The following PHF2 variants were observed in gnomAD, a reference collection of about 807,000 sequenced individuals.
PHF2 encodes lysine-specific demethylase PHF2.
Under a neutral mutation model 120.5 loss-of-function variants are expected in PHF2, and 27 were observed. The observed-to-expected ratio is 0.22, with a 90% CI of 0.17 to 0.31. The LOEUF is 0.31. Ranked by LOEUF, PHF2 falls within the 10% of genes least tolerant of loss-of-function variation. The pLI is 1.00. For missense variants in PHF2, 1,024 were observed against 1,434.8 expected, an observed-to-expected ratio of 0.71 and a Z score of 4.63; for synonymous variants, 568 against 592.5, an observed-to-expected ratio of 0.96 and a Z score of 0.60.
intron 5 of PHF2, among the ~76,000 whole-genome samples, chr9:93,652,840 CCACAG>C (rs1564395532): frequency 6.6e-6 from 1 of 152,180 alleles, no homozygotes; most frequent in African/African-American, 2.4e-5. Flanking sequence ...GCCCAGTGTG[CCACAG>C]CACATGGCAC....
At chr9:93,650,122 CACTT>C (rs1266760056) in intron 5 of PHF2, among the ~76,000 whole-genome samples, 1 of 135,952 alleles carries the variant, frequency 7.4e-6, no homozygotes, top group African/African-American at 2.8e-5. Context: ...CATGGACACA[CACTT>C]AGCACTCACC....
chr9:93,654,601 A>G (rs757760726), intron 7 of PHF2, 26 bp downstream of exon 7: 46 of 1,606,110 alleles, frequency 2.9e-5, no homozygotes, highest in Non-Finnish European at 3.6e-5. Context: ...TTTGGGGACC[A>G]TGTACTAGGG....
At chr9:93,651,563 C>G (rs1000217030) in intron 5 of PHF2, among the ~76,000 whole-genome samples, 1 of 152,168 alleles carries the variant, frequency 6.6e-6, no homozygotes, top group African/African-American at 2.4e-5. Flanking sequence ...CATGGGCTGT[C>G]TGGGGTAGCT....
chr9:93,627,819 T>C (rs1825939666), intron 1 of PHF2, among the ~76,000 whole-genome samples: 1 of 152,118 alleles, frequency 6.6e-6, no homozygotes, highest in Non-Finnish European at 1.5e-5. Context: ...GATGGGGAAT[T>C]GGGGAAGGAT....
At chr9:93,620,010 G>T (rs1587686898) in intron 1 of PHF2, among the ~76,000 whole-genome samples, 1 of 152,164 alleles carries the variant, frequency 6.6e-6, no homozygotes, top group Non-Finnish European at 1.5e-5. Flanking sequence ...CTTAGAAGGC[G>T]TCCCTGGGCT....
intron 1 of PHF2, among the ~76,000 whole-genome samples, chr9:93,577,383 C>T (rs953023275): frequency 2.8e-4 from 43 of 151,988 alleles, no homozygotes; most frequent in Non-Finnish European, 4.4e-4. Flanking sequence ...GGCTCCGACT[C>T]CGGCAGGGCT....
At chr9:93,602,180 C>CGTTGAGTATGTAAATTG (rs1825452502) in intron 1 of PHF2, among the ~76,000 whole-genome samples, 1 of 150,386 alleles carries the variant, frequency 6.6e-6, no homozygotes, top group Admixed American at 6.7e-5. Context: ...TATGTAAATT[C>CGTTGAGTATGTAAATTG]TTCGTTGAGT....
intron 10 of PHF2, among the ~76,000 whole-genome samples, chr9:93,659,243 C>T (rs10992834): frequency 0.02 from 3,042 of 152,338 alleles, 66 homozygotes; most frequent in East Asian, 0.1. Context: ...GGCCTCTGAC[C>T]AGGAAGAAGG....
intron 1 of PHF2, among the ~76,000 whole-genome samples, chr9:93,585,576 G>A (rs1273597807): frequency 6.6e-6 from 1 of 152,220 alleles, no homozygotes; most frequent in Admixed American, 6.5e-5. Flanking sequence ...CCATGGGTAG[G>A]GCGCAAGGCC....
intron 1 of PHF2, among the ~76,000 whole-genome samples, chr9:93,602,970 G>A (rs1450322212): frequency 1.3e-5 from 2 of 152,096 alleles, no homozygotes; most frequent in Non-Finnish European, 2.9e-5. Context: ...GCAGGGCAGA[G>A]GTGAATGCTG....
At position 93,650,361 on chromosome 9, in the gene PHF2, C is replaced by T. The variant is rs574893389; in HGVS notation, c.602+1149C>T. 3.3e-5 allele frequency among the ~76,000 whole-genome samples: 5 copies of T among 152,308 alleles called. No individual in the cohort carries two copies. The East Asian group carries it at 9.6e-4, about 29-fold the overall frequency. ...CCTGACACACTGAGATACTAACTCACTGGCACACTCATACTCCTAACACCC... is the reference window on the plus strand; with the variant it reads ...CCTGACACACTGAGATACTAACTCATTGGCACACTCATACTCCTAACACCC... On this transcript the variant is annotated intron_variant, in intron 5 of 21. Transcript: ENST00000359246.
At chr9:93,589,189 C>T (rs976132134) in intron 1 of PHF2, among the ~76,000 whole-genome samples, 1 of 152,150 alleles carries the variant, frequency 6.6e-6, no homozygotes, top group East Asian at 1.9e-4. Context: ...GGGAAGGAAC[C>T]AAGTGCTCAC....
chr9:93,619,039 ACC>A (rs369914746), intron 1 of PHF2, among the ~76,000 whole-genome samples: 37 of 149,482 alleles, frequency 2.5e-4, no homozygotes, highest in African/African-American at 8.9e-4. Flanking sequence ...GTCCTTGCCC[ACC>A]ATGTGGTACA....
chr9:93,579,837 A>C (rs1009979931), intron 1 of PHF2, among the ~76,000 whole-genome samples: 2 of 152,228 alleles, frequency 1.3e-5, no homozygotes, highest in South Asian at 4.1e-4. Context: ...GCAGCCGAGA[A>C]CTTGTTTGGG....
chr9:93,663,701 C>A, intron 14 of PHF2, 66 bp downstream of exon 14: 1 of 849,022 alleles, frequency 1.2e-6, no homozygotes, highest in Non-Finnish European at 2.0e-6. Flanking sequence ...ACCATACATA[C>A]TGCATCACAC....
chr9:93,578,929 A>C (rs1283238727), intron 1 of PHF2, among the ~76,000 whole-genome samples: 1 of 152,202 alleles, frequency 6.6e-6, no homozygotes, highest in African/African-American at 2.4e-5. Context: ...GGTCTGAAAG[A>C]AGCTGTGCTT....
At chr9:93,620,035 T>C (rs1397938429) in intron 1 of PHF2, among the ~76,000 whole-genome samples, 1 of 152,210 alleles carries the variant, frequency 6.6e-6, no homozygotes, top group African/African-American at 2.4e-5. Context: ...CTCAGCCAAA[T>C]GCCCTGCTCT....
intron 5 of PHF2, among the ~76,000 whole-genome samples, chr9:93,651,627 G>A (rs185572704): frequency 7.9e-5 from 12 of 152,292 alleles, no homozygotes; most frequent in Admixed American, 2.0e-4. Flanking sequence ...CCCCCAGACC[G>A]GAGAGATGCC....
chr9:93,618,849 C>CATGTTTGTGT (rs1564383288), intron 1 of PHF2, among the ~76,000 whole-genome samples: 2 of 2,456 alleles, frequency 8.1e-4, no homozygotes, highest in African/African-American at 1.5e-3. Flanking sequence ...TGTGTGTGTG[C>CATGTTTGTGT]CTGTGTGTGG....
Sources: gnomAD v4.1 joint callset for allele counts (sites outside exome capture counted in the v4.1 genomes callset) on GRCh38, gnomAD v4.1.1 for gene constraint, MANE v1.5 for transcripts, NCBI Gene and HGNC (gene_info 2026-07-23, HGNC 2026-07-21) for gene names.